The following CTDP1 variants were observed in gnomAD, a reference collection of about 807,000 sequenced individuals.
CTDP1 encodes the protein RNA polymerase II subunit A C-terminal domain phosphatase.
CTDP1 carries 47 observed loss-of-function variants against 91.8 expected under a neutral mutation model. The ratio of observed to expected loss-of-function variants is 0.51; its 90% confidence interval spans 0.41 to 0.65. The LOEUF is 0.65. Among genes scored for constraint, CTDP1 ranks in the 30% least tolerant of loss-of-function variants. The pLI, the probability that CTDP1 is intolerant of heterozygous loss-of-function variation, is 0.00. For missense variants in CTDP1, 1,272 were observed against 1,373.7 expected (o/e 0.93, Z 1.17); for synonymous variants, 656 against 598.5 (o/e 1.10, Z -1.40).
chr18:79,720,952 C>T (rs1390347141), intron 10 of CTDP1, among the ~76,000 whole-genome samples: 1 of 152,180 alleles, frequency 6.6e-6, no homozygotes, highest in Non-Finnish European at 1.5e-5. Context: ...TTCTGGAAAA[C>T]GTTTCACTCA....
rs941229445 is a variant in CTDP1, at chr18:79,730,720, C to T, written c.2580+1651C>T. Among the ~76,000 whole-genome samples, 7 of 152,190 alleles carry T rather than the reference C, an allele frequency of 4.6e-5. 1 individual carries two copies. The South Asian group carries it at 1.2e-3, about 27-fold the overall frequency. ...CTCTGTGAGTCCTGGGCCCTTAAGA[C>T]AATCAGCGCCTGCAGGCAGGAGAAG... On this transcript the variant is annotated intron_variant, in intron 11 of 12. Transcript: ENST00000613122.
chr18:79,722,579 A>C (rs1293823268), intron 10 of CTDP1, among the ~76,000 whole-genome samples: 1 of 152,204 alleles, frequency 6.6e-6, no homozygotes, highest in African/African-American at 2.4e-5. Flanking sequence ...TGGCTGCAGC[A>C]GCGGGCCCCC....
chr18:79,716,102 A>T (rs2007487), intron 8 of CTDP1, among the ~76,000 whole-genome samples: 10,494 of 152,272 alleles, frequency 0.069, 491 homozygotes, highest in Non-Finnish European at 0.1. Context: ...CCCGGTGCTT[A>T]AAAAACCCAA....
At chr18:79,744,580 A>C (rs1367363974) in intron 12 of CTDP1, among the ~76,000 whole-genome samples, 1 of 152,204 alleles carries the variant, frequency 6.6e-6, no homozygotes, top group Admixed American at 6.5e-5. Context: ...ATCAGAGAAG[A>C]CTGAATTTAA....
intron 12 of CTDP1, 28 bp downstream of exon 12, chr18:79,736,549 G>T: frequency 6.6e-7 from 1 of 1,512,672 alleles, no homozygotes; most frequent in Admixed American, 2.2e-5. Context: ...GGTGGGAGGG[G>T]CCTGACACGG....
intron 6 of CTDP1, among the ~76,000 whole-genome samples, chr18:79,710,885 A>G (rs1002959324): frequency 1.3e-5 from 2 of 151,836 alleles, no homozygotes. Context: ...TAGGAATTTA[A>G]CATCCCCTTT....
chr18:79,679,581 G>A (rs1313223375), upstream of CTDP1: 2 of 469,414 alleles, frequency 4.3e-6, no homozygotes, highest in East Asian at 6.5e-5. Context: ...CGCCAAGACC[G>A]TCACTGGGAC....
chr18:79,697,199 T>C (rs1018238534), intron 3 of CTDP1, among the ~76,000 whole-genome samples: 1 of 152,180 alleles, frequency 6.6e-6, no homozygotes, highest in African/African-American at 2.4e-5. Context: ...CCTTCGGGGA[T>C]GGGCACGGGA....
intron 1 of CTDP1, among the ~76,000 whole-genome samples, chr18:79,687,737 C>T (rs1396968683): frequency 2.0e-5 from 3 of 152,270 alleles, no homozygotes; most frequent in Admixed American, 6.5e-5. Flanking sequence ...GTTGGTTGTC[C>T]TGAGCATACC....
intron 12 of CTDP1, among the ~76,000 whole-genome samples, chr18:79,738,502 C>CTA (rs1454200033): frequency 6.6e-6 from 1 of 152,242 alleles, no homozygotes. Context: ...CTTCAGCAGG[C>CTA]TAGCAGGGGG....
chr18:79,737,329 C>T (rs905322145), intron 12 of CTDP1, among the ~76,000 whole-genome samples: 7 of 152,292 alleles, frequency 4.6e-5, no homozygotes, highest in African/African-American at 1.7e-4. Flanking sequence ...GAATCTTGTC[C>T]GAGAATCTTA....
chr18:79,717,465 T>G, intron 8 of CTDP1, 70 bp from the exon 9 acceptor site: 2 of 1,600,854 alleles, frequency 1.2e-6, no homozygotes, highest in Middle Eastern at 2.3e-4. Context: ...CCCTGGTGGG[T>G]GCAGCCGGAT....
intron 6 of CTDP1, 39 bp from the exon 7 acceptor site, chr18:79,712,933 C>G (rs1568192658): frequency 6.2e-7 from 1 of 1,604,148 alleles, no homozygotes; most frequent in Non-Finnish European, 8.5e-7. Context: ...TACAACTTTT[C>G]ATTATTATTT....
chr18:79,699,024 C>G (rs1056575283), intron 4 of CTDP1, among the ~76,000 whole-genome samples: 4 of 152,120 alleles, frequency 2.6e-5, no homozygotes, highest in South Asian at 2.1e-4. Context: ...CACAAACTCT[C>G]GCGTTTTATG....
intron 12 of CTDP1, among the ~76,000 whole-genome samples, chr18:79,738,669 T>A (rs1470772279): frequency 6.6e-6 from 1 of 152,210 alleles, no homozygotes; most frequent in African/African-American, 2.4e-5. Flanking sequence ...GTTACAAAAT[T>A]GGGCCAGAAA....
intron 3 of CTDP1, among the ~76,000 whole-genome samples, chr18:79,696,878 C>G (rs532675675): frequency 2.6e-5 from 4 of 152,300 alleles, no homozygotes; most frequent in South Asian, 4.1e-4. Context: ...TGAAAATGCT[C>G]TGGGAGCTGA....
At chr18:79,678,189 G>C (rs141837722), upstream of CTDP1, 1 of 152,182 alleles carries the variant, frequency 6.6e-6, no homozygotes, top group Non-Finnish European at 1.5e-5. Flanking sequence ...TCTGAGGAAC[G>C]CGAGTTCTTT....
chr18:79,698,069 T>G, intron 4 of CTDP1, 81 bp downstream of exon 4: 1 of 1,570,928 alleles, frequency 6.4e-7, no homozygotes, highest in South Asian at 1.1e-5. Context: ...GTTCTCTTGT[T>G]TTTTAGATGA....
chr18:79,747,871 A>C (rs1279383813), intron 12 of CTDP1, among the ~76,000 whole-genome samples: 2 of 152,126 alleles, frequency 1.3e-5, no homozygotes, highest in East Asian at 3.9e-4. Context: ...TGCTGGTGTG[A>C]CACAATTGTG....
Sources: gnomAD v4.1 joint callset for allele counts (sites outside exome capture counted in the v4.1 genomes callset) on GRCh38, gnomAD v4.1.1 for gene constraint, MANE v1.5 for transcripts, NCBI Gene and HGNC (gene_info 2026-07-23, HGNC 2026-07-21) for gene names.